CAST: variants seen among roughly 807,000 people sequenced by gnomAD.
CAST encodes MIR583 host.
A neutral mutation model predicts 119.6 loss-of-function variants in CAST; 76 were observed. The observed-to-expected ratio is 0.64, with a 90% confidence interval of 0.53 to 0.77. The LOEUF is 0.77. Ranked by LOEUF, CAST falls within the 30% of genes least tolerant of loss-of-function variation. CAST has a pLI of 0.00. For missense variants in CAST, 953 were observed against 946.5 expected (o/e 1.01, Z -0.09); for synonymous variants, 319 against 331.6 (o/e 0.96, Z 0.41).
the CAST span, chr5:96,392,722 A>G: frequency 2.1e-6 from 1 of 484,532 alleles, no homozygotes; most frequent in South Asian, 2.3e-5. Flanking sequence ...AATGTAGTGT[A>G]AGAGCTTTTT....
chr5:96,271,556 G>A, the CAST span, among the ~76,000 whole-genome samples: 1 of 149,516 alleles, frequency 6.7e-6, no homozygotes, highest in African/African-American at 2.5e-5. Context: ...ATATGCAGAA[G>A]AATAAAACTA....
At chr5:96,259,733 TC>T in the CAST span, among the ~76,000 whole-genome samples, 1 of 152,132 alleles carries the variant, frequency 6.6e-6, no homozygotes, top group Non-Finnish European at 1.5e-5. Flanking sequence ...CTTTCTCACT[TC>T]CTCTAACATT....
At chr5:96,453,638 TCA>T in the CAST span, among the ~76,000 whole-genome samples, 2 of 152,334 alleles carry the variant, frequency 1.3e-5, no homozygotes, top group South Asian at 4.1e-4. Context: ...TGTGCTCCTC[TCA>T]GTGGCAATGT....
the CAST span, among the ~76,000 whole-genome samples, chr5:96,073,115 T>C: frequency 7.9e-5 from 12 of 152,252 alleles, no homozygotes; most frequent in Admixed American, 3.3e-4. Context: ...AAGTCTGTTA[T>C]CCCTTTGATG....
At chr5:96,174,201 G>A in the CAST span, among the ~76,000 whole-genome samples, 881 of 152,282 alleles carry the variant, frequency 5.8e-3, 9 homozygotes, top group African/African-American at 0.019. Context: ...ATTCCCAGGA[G>A]CCTCTTTGGG....
At position 96,772,703 on chromosome 5, in the gene CAST, A is replaced by T. The variant is rs1225949622; in HGVS notation, c.*87A>T. ...TTTTGAAGAACAAAAGGCTTTGGCAACAGAAAACAATTGTTCTGGGTGATT... is the reference window on the plus strand; with the variant it reads ...TTTTGAAGAACAAAAGGCTTTGGCATCAGAAAACAATTGTTCTGGGTGATT... On this transcript the variant is annotated 3_prime_UTR_variant, in exon 32 of 32. Coordinates refer to ENST00000675179, the MANE Select transcript of CAST (RefSeq NM_001750.7). 3.3e-5 allele frequency: 5 copies of T among 152,758 alleles called. No individual in the cohort carries two copies. Among genetic ancestry groups the T allele is most frequent in the Non-Finnish European group, 7.4e-5 (5 of 68,012 alleles). The allele number at this position is 152,758 out of a possible 1,614,324, so 9.5% of individuals were successfully genotyped here. A position where few individuals can be genotyped will look rare whatever the true frequency, so the allele number is the denominator to read the frequency against.
chr5:96,631,584 C>CT (rs564961286), intron 1 of CAST, among the ~76,000 whole-genome samples: 27,338 of 125,992 alleles, frequency 0.22, 6,265 homozygotes, highest in African/African-American at 0.4. Context: ...TCTGTGAATA[C>CT]TTTTTTTTTT....
chr5:96,246,187 C>CTTGTTTTTTTTTTTT, the CAST span, among the ~76,000 whole-genome samples: 1 of 76,386 alleles, frequency 1.3e-5, no homozygotes. Context: ...GTCTGTCTTC[C>CTTGTTTTTTTTTTTT]TTTTTTTTTT....
At chr5:96,588,448 C>T (rs1277931053) in intron 1 of CAST, among the ~76,000 whole-genome samples, 1 of 152,072 alleles carries the variant, frequency 6.6e-6, no homozygotes, top group African/African-American at 2.4e-5. Flanking sequence ...GATCTGCCTG[C>T]CTCGGCCTCC....
At chr5:96,306,993 C>T in the CAST span, among the ~76,000 whole-genome samples, 3 of 152,082 alleles carry the variant, frequency 2.0e-5, no homozygotes, top group East Asian at 5.8e-4. Context: ...GAGTTCAAGT[C>T]CTGGATATCT....
the CAST span, among the ~76,000 whole-genome samples, chr5:95,979,029 T>C: frequency 1.3e-3 from 193 of 152,222 alleles, 2 homozygotes; most frequent in African/African-American, 4.5e-3. Flanking sequence ...AAGAGCAAAG[T>C]ACATTTCTGA....
the CAST span, among the ~76,000 whole-genome samples, chr5:96,370,938 A>C: frequency 6.6e-6 from 1 of 152,190 alleles, no homozygotes; most frequent in South Asian, 2.1e-4. Flanking sequence ...AATGAAGCCA[A>C]GTTAATGTCC....
the CAST span, among the ~76,000 whole-genome samples, chr5:96,365,262 A>T: frequency 6.6e-6 from 1 of 152,148 alleles, no homozygotes; most frequent in Non-Finnish European, 1.5e-5. Context: ...TCAATTTTGG[A>T]ATAAGTGTGA....
At chr5:96,443,607 T>C in the CAST span, among the ~76,000 whole-genome samples, 14 of 152,358 alleles carry the variant, frequency 9.2e-5, no homozygotes, top group African/African-American at 3.4e-4. Context: ...GAAGTAACTT[T>C]ATCAGTGGTT....
At chr5:96,079,082 T>TTAAAA in the CAST span, 284,961 of 465,324 alleles carry the variant, frequency 0.61, 89,012 homozygotes, top group African/African-American at 0.72. Flanking sequence ...ACCCATGCAC[T>TTAAAA]TAAAGTTAAA....
chr5:96,185,408 T>C, the CAST span, among the ~76,000 whole-genome samples: 5 of 152,278 alleles, frequency 3.3e-5, no homozygotes, highest in South Asian at 1.0e-3. Flanking sequence ...CTGTTTTCGT[T>C]ATGAAATCTT....
the CAST span, among the ~76,000 whole-genome samples, chr5:96,402,284 C>T: frequency 4.9e-4 from 74 of 152,318 alleles, no homozygotes; most frequent in South Asian, 8.3e-4. Flanking sequence ...GGGAAGCTGC[C>T]CTCCCCATGC....
chr5:96,135,876 C>T, the CAST span, among the ~76,000 whole-genome samples: 1 of 152,152 alleles, frequency 6.6e-6, no homozygotes, highest in African/African-American at 2.4e-5. Flanking sequence ...GGCCAACCAA[C>T]ATGGTGAAAC....
At chr5:96,770,732 T>C (rs944093391) in intron 30 of CAST, 130 bp downstream of exon 30, 6 of 607,210 alleles carry the variant, frequency 9.9e-6, no homozygotes, top group South Asian at 2.0e-5. Context: ...ATCTATCCCA[T>C]AGCATCGCTT....
Sources: gnomAD v4.1 joint callset for allele counts (sites outside exome capture counted in the v4.1 genomes callset) on GRCh38, gnomAD v4.1.1 for gene constraint, MANE v1.5 for transcripts, NCBI Gene and HGNC (gene_info 2026-07-23, HGNC 2026-07-21) for gene names.